Variants in ESR1 observed in about 807,000 individuals in gnomAD.
ESR1 encodes estrogen receptor.
Under a neutral mutation model 52.7 loss-of-function variants are expected in ESR1, and 12 were observed. The ratio of observed to expected loss-of-function variants is 0.23; its 90% confidence interval spans 0.15 to 0.37. The LOEUF is 0.37. Ranked by LOEUF, ESR1 falls within the 10% of genes least tolerant of loss-of-function variation. The pLI is 1.00. For missense variants in ESR1, 584 were observed against 779.7 expected, an observed-to-expected ratio of 0.75 and a Z score of 2.99; for synonymous variants, 305 against 316.8, an observed-to-expected ratio of 0.96 and a Z score of 0.39.
At chr6:151,773,487 A>C (rs1046019506) in intron 2 of ESR1, among the ~76,000 whole-genome samples, 7 of 152,212 alleles carry the variant, frequency 4.6e-5, no homozygotes, top group Non-Finnish European at 1.0e-4. Context: ...ATCTTCACTC[A>C]TTCCTTCTAT....
rs1003983164 is a variant in ESR1 at position 152,101,360 on chromosome 6, TA to T, written c.*2401del. On this transcript the variant is annotated 3_prime_UTR_variant, in exon 8 of 8. Coordinates refer to ENST00000206249, the MANE Select transcript of ESR1 (RefSeq NM_000125.4). ...TAATGTTTATACTTAGATTTTCTTT[TA>T]AAAAAATTAAAATAAAACAAAAAAA... is the stretch of plus-strand genomic sequence containing the variant. The T allele has an allele frequency of 4.3e-6, 1 of 232,502 alleles. No homozygotes were observed. Among genetic ancestry groups the T allele is most frequent in the Non-Finnish European group, 8.5e-6 (1 of 117,532 alleles). 14.4% of individuals were successfully genotyped at this position (232,502 alleles called of 1,614,324 possible).
At position 152,061,068 on chromosome 6, in the gene ESR1, T is replaced by C. The variant is rs1405407851; in HGVS notation, c.1313T>C (p.Met438Thr). 1 of 1,613,956 alleles carries C rather than the reference T, an allele frequency of 6.2e-7. No homozygotes were observed. Among genetic ancestry groups the C allele is most frequent in the Non-Finnish European group, 8.5e-7 (1 of 1,179,900 alleles). ...LLATSSRFRMMNLQGEEFVCL... is the reference protein window; with the variant it reads ...LLATSSRFRMTNLQGEEFVCL... ...GCTACATCATCTCGGTTCCGCATGA[T>C]GAATCTGCAGGGAGAGGAGTTTGTG... Residue 438 changes from methionine to threonine, a missense_variant, in exon 6 of 8, where the codon ATG (methionine) becomes ACG (threonine). Coordinates refer to ENST00000206249, the MANE Select transcript of ESR1 (RefSeq NM_000125.4). The surrounding 1 kb of genome is among the most constrained non-coding windows in gnomAD (Gnocchi z 4.3).
At chr6:152,037,671 A>G (rs141990940) in intron 5 of ESR1, among the ~76,000 whole-genome samples, 78 of 152,162 alleles carry the variant, frequency 5.1e-4, no homozygotes, top group Non-Finnish European at 8.8e-4. Context: ...TACCCTACAC[A>G]TTTTCTCAAT....
chr6:151,899,535 C>T (rs1796272941), intron 3 of ESR1, among the ~76,000 whole-genome samples: 1 of 149,092 alleles, frequency 6.7e-6, no homozygotes, highest in Non-Finnish European at 1.5e-5. Context: ...GCTGACCCCC[C>T]CACCTCCCTC....
intron 4 of ESR1, among the ~76,000 whole-genome samples, chr6:151,994,416 G>A (rs1026075376): frequency 6.6e-6 from 1 of 152,138 alleles, no homozygotes; most frequent in African/African-American, 2.4e-5. Flanking sequence ...GTCCAAATAC[G>A]ATCTCTGGTC....
chr6:152,013,508 A>C (rs1429558540), intron 5 of ESR1, among the ~76,000 whole-genome samples: 2 of 152,164 alleles, frequency 1.3e-5, no homozygotes, highest in Non-Finnish European at 2.9e-5. Flanking sequence ...TAGGGTACAC[A>C]GTGATGTTTT....
chr6:151,942,554 C>G (rs1035276859), intron 3 of ESR1, among the ~76,000 whole-genome samples: 8 of 151,460 alleles, frequency 5.3e-5, no homozygotes, highest in Non-Finnish European at 1.2e-4. Context: ...TTTACTATTT[C>G]ATGAGAAGTA....
rs566400017 is a variant in ESR1 at position 151,834,820 on chromosome 6, T to C, written c.453-7777T>C. On this transcript the variant is annotated intron_variant, in intron 1 of 7. Transcript: ENST00000206249. ...TGAGACAGGGAGGTCCTGGATGTGT[T>C]TGTGGAAGAGCTGTGGCAGCACCTG... Among the ~76,000 whole-genome samples the C allele has an allele frequency of 2.2e-4, 34 of 152,092 alleles. No individual in the cohort carries two copies. The Middle Eastern group carries it at 0.01, about 46-fold the overall frequency.
chr6:152,098,906 G>A lies in ESR1; in HGVS notation c.1728G>A (p.Ser576=), dbSNP rs185775221. 3.3e-5 allele frequency: 53 copies of A among 1,614,066 alleles called. No individual in the cohort carries two copies. Among genetic ancestry groups the A allele is most frequent in the Middle Eastern group, 1.6e-4 (1 of 6,084 alleles). ...TGGCCACTGCGGGCTCTACTTCATCGCATTCCTTGCAAAAGTATTACATCA... is the reference window on the plus strand; with the variant it reads ...TGGCCACTGCGGGCTCTACTTCATCACATTCCTTGCAAAAGTATTACATCA... ...SHLATAGSTS[S]HSLQKYYITG... Residue 576 remains serine, a synonymous_variant, in exon 8 of 8, where the codon TCG becomes TCA. Transcript: ENST00000206249. The surrounding 1 kb of genome is among the most constrained non-coding windows in gnomAD (Gnocchi z 5.1).
intron 3 of ESR1, among the ~76,000 whole-genome samples, chr6:151,899,239 G>A (rs1796123581): frequency 1.4e-5 from 2 of 143,498 alleles, no homozygotes; most frequent in Admixed American, 1.4e-4. Flanking sequence ...CTGGGCAGCT[G>A]GCCAGGCGGG....
intron 1 of ESR1, among the ~76,000 whole-genome samples, chr6:151,659,274 G>C (rs959511275): frequency 2.0e-5 from 3 of 152,076 alleles, no homozygotes; most frequent in Non-Finnish European, 4.4e-5. Flanking sequence ...CAGCCTCCCA[G>C]AGTGCTGGGA....
At chr6:152,000,348 A>C (rs2041850971) in intron 4 of ESR1, among the ~76,000 whole-genome samples, 1 of 152,072 alleles carries the variant, frequency 6.6e-6, no homozygotes, top group East Asian at 1.9e-4. Flanking sequence ...AACAAAGCCC[A>C]TTATCCCTTC....
At position 152,100,788 on chromosome 6, in the gene ESR1, G is replaced by C. The variant is rs1425774680; in HGVS notation, c.*1822G>C. 9.5e-6 allele frequency: 2 copies of C among 211,208 alleles called. No individual in the cohort carries two copies. Among genetic ancestry groups the C allele is most frequent in the Non-Finnish European group, 1.9e-5 (2 of 106,888 alleles). The allele number at this position is 211,208 out of a possible 1,614,324, so 13.1% of individuals were successfully genotyped here. A position where few individuals can be genotyped will look rare whatever the true frequency, so the allele number is the denominator to read the frequency against. ...CTGGGAGGGCAAAAAAAAAAAAAAA[G>C]TTTTTATGTGCACTTAAATTTGGGG... On this transcript the variant is annotated 3_prime_UTR_variant, in exon 8 of 8. Coordinates refer to ENST00000206249, the MANE Select transcript of ESR1 (RefSeq NM_000125.4).
chr6:151,946,291 T>C (rs550339421), intron 4 of ESR1, among the ~76,000 whole-genome samples: 1 of 152,356 alleles, frequency 6.6e-6, no homozygotes, highest in Non-Finnish European at 1.5e-5. Context: ...ATATTAGCTC[T>C]GGAGCACTGC....
At chr6:151,826,473 T>C (rs2128204897) in intron 1 of ESR1, among the ~76,000 whole-genome samples, 1 of 152,318 alleles carries the variant, frequency 6.6e-6, no homozygotes, top group East Asian at 1.9e-4. Context: ...GGGATAGATG[T>C]TTCTGAAAAG....
chr6:151,843,528 A>G (rs1784634340), intron 2 of ESR1, among the ~76,000 whole-genome samples: 1 of 152,180 alleles, frequency 6.6e-6, no homozygotes. Flanking sequence ...GGAAACACTA[A>G]TCATTTTTAC....
intron 2 of ESR1, among the ~76,000 whole-genome samples, chr6:151,773,027 T>G (rs1352988381): frequency 6.6e-6 from 1 of 152,212 alleles, no homozygotes; most frequent in Admixed American, 6.5e-5. Context: ...TAAACCCCAG[T>G]ATCCTAGAAT....
chr6:152,106,173 CT>C (rs2051065035), downstream of ESR1, among the ~76,000 whole-genome samples: 1 of 152,184 alleles, frequency 6.6e-6, no homozygotes, highest in African/African-American at 2.4e-5. Context: ...AAAATATTTG[CT>C]CCAATGCAGC....
At chr6:152,088,226 A>G (rs1174943280) in intron 6 of ESR1, among the ~76,000 whole-genome samples, 1 of 152,188 alleles carries the variant, frequency 6.6e-6, no homozygotes, top group Non-Finnish European at 1.5e-5. Context: ...AAGTAATAAA[A>G]TGCTTATATG....
Sources: allele counts gnomAD v4.1 joint callset (sites outside exome capture counted in the v4.1 genomes callset), GRCh38; gene constraint gnomAD v4.1.1; non-coding constraint Gnocchi (gnomAD v3.1); transcripts MANE v1.5; gene names NCBI Gene and HGNC (gene_info 2026-07-23, HGNC 2026-07-21).